HSPA12A: variants seen among roughly 807,000 people sequenced by gnomAD.
HSPA12A encodes the protein heat shock 70 kDa protein 12A.
In HSPA12A, 28 loss-of-function variants were observed where a neutral mutation model predicts 69.2. The observed-to-expected ratio is 0.40, with a 90% CI of 0.30 to 0.55. HSPA12A has a LOEUF of 0.55. HSPA12A is among the 20% of genes least tolerant of loss of function. The pLI is 0.38. For missense variants in HSPA12A, 686 were observed against 900.7 expected (o/e 0.76, Z 3.05); for synonymous variants, 345 against 370.5 (o/e 0.93, Z 0.79).
At chr10:116,740,637 CGTGTGTGTGTGTGTGTGTGT>C (rs60427815) in intron 1 of HSPA12A, among the ~76,000 whole-genome samples, 1 of 137,680 alleles carries the variant, frequency 7.3e-6, no homozygotes, top group Non-Finnish European at 1.5e-5. Flanking sequence ...CTCCCAGCAC[CGTGTGTGTGTGTGTGTGTGT>C]GTGTGTGTGT....
chr10:116,739,150 C>T (rs958155146), intron 1 of HSPA12A, among the ~76,000 whole-genome samples: 4 of 152,158 alleles, frequency 2.6e-5, no homozygotes, highest in Non-Finnish European at 5.9e-5. Flanking sequence ...AGGCACATGC[C>T]AGGAGAGGCT....
chr10:116,756,532 G>C (rs1843854867), intron 2 of HSPA12A, among the ~76,000 whole-genome samples: 1 of 152,166 alleles, frequency 6.6e-6, no homozygotes, highest in African/African-American at 2.4e-5. Flanking sequence ...GCTCGCCTTG[G>C]CACACGGGCA....
At chr10:116,692,824 G>T (rs1849774729) in intron 5 of HSPA12A, among the ~76,000 whole-genome samples, 1 of 152,212 alleles carries the variant, frequency 6.6e-6, no homozygotes, top group Non-Finnish European at 1.5e-5. Context: ...CGATTGTTGA[G>T]AGGATTGATG....
At chr10:116,717,565 T>C (rs1005429995) in intron 1 of HSPA12A, among the ~76,000 whole-genome samples, 1 of 152,202 alleles carries the variant, frequency 6.6e-6, no homozygotes, top group African/African-American at 2.4e-5. Context: ...AATCCCACCA[T>C]GACCACGTCC....
intron 1 of HSPA12A, among the ~76,000 whole-genome samples, chr10:116,707,648 T>C (rs1290977337): frequency 6.6e-6 from 1 of 152,214 alleles, no homozygotes; most frequent in Non-Finnish European, 1.5e-5. Context: ...TAGCAGGACC[T>C]GTAGCCACCT....
chr10:116,775,689 C>T (rs561435943), intron 2 of HSPA12A, among the ~76,000 whole-genome samples: 58 of 152,278 alleles, frequency 3.8e-4, no homozygotes, highest in Admixed American at 8.5e-4. Flanking sequence ...CATTTGCTTG[C>T]TAAAGGAAAC....
At chr10:116,746,152 CA>C (rs1189772341), upstream of HSPA12A, among the ~76,000 whole-genome samples, 1 of 152,178 alleles carries the variant, frequency 6.6e-6, no homozygotes, top group African/African-American at 2.4e-5. Flanking sequence ...CCCACAGCCC[CA>C]CACACGCTTC....
chr10:116,798,722 C>G (rs553064614), intron 2 of HSPA12A, among the ~76,000 whole-genome samples: 3 of 152,088 alleles, frequency 2.0e-5, no homozygotes, highest in Non-Finnish European at 4.4e-5. Flanking sequence ...GAAAACCCAA[C>G]TGAATTAAAA....
intron 2 of HSPA12A, among the ~76,000 whole-genome samples, chr10:116,788,453 G>T (rs1475194921): frequency 6.6e-6 from 1 of 152,170 alleles, no homozygotes; most frequent in East Asian, 1.9e-4. Context: ...ACAATAGCTT[G>T]TTTCTCCCCT....
intron 1 of HSPA12A, among the ~76,000 whole-genome samples, chr10:116,716,720 AAG>A (rs1275014443): frequency 9.2e-5 from 14 of 152,266 alleles, no homozygotes; most frequent in South Asian, 2.1e-4. Flanking sequence ...GAGGAGGATG[AAG>A]AGAGTGGAGG....
At chr10:116,810,694 A>G (rs775433001) in intron 2 of HSPA12A, among the ~76,000 whole-genome samples, 1 of 152,152 alleles carries the variant, frequency 6.6e-6, no homozygotes, top group Non-Finnish European at 1.5e-5. Context: ...CTCCAAAACT[A>G]TTGAATCAGA....
intron 1 of HSPA12A, among the ~76,000 whole-genome samples, chr10:116,712,619 T>C (rs551195212): frequency 2.0e-5 from 3 of 152,196 alleles, no homozygotes; most frequent in African/African-American, 7.2e-5. Context: ...AAATAAAAAA[T>C]AGTCTTGATA....
At position 116,701,069 on chromosome 10, in the gene HSPA12A, C is replaced by T; in HGVS notation, c.315G>A (p.Leu105=). 6.2e-7 allele frequency: 1 copy of T among 1,614,154 alleles called. No homozygotes were observed. The highest frequency in any genetic ancestry group is 8.5e-7 in the Non-Finnish European group (1 of 1,180,038). Residue 105 remains leucine, a synonymous_variant, in exon 4 of 12, where the codon CTG becomes CTA. Coordinates refer to ENST00000369209, the MANE Select transcript of HSPA12A (RefSeq NM_025015.3). The stretch of plus-strand genomic sequence containing the variant: ...AGCTGTGGAACTTCCTCTCGGGAGT[C>T]AGCAAGATGGTGGTTGGAGTCTTCT... ...SNQKTPTTIL[L]TPERKFHSFG... is the part of the protein sequence containing the mutation.
At chr10:116,720,916 G>A (rs1412933360) in intron 1 of HSPA12A, among the ~76,000 whole-genome samples, 1 of 152,210 alleles carries the variant, frequency 6.6e-6, no homozygotes, top group African/African-American at 2.4e-5. Context: ...GAGGCACGAT[G>A]GGAACTGCCC....
chr10:116,718,176 G>T (rs1187553190), intron 1 of HSPA12A, among the ~76,000 whole-genome samples: 1 of 152,218 alleles, frequency 6.6e-6, no homozygotes, highest in Admixed American at 6.5e-5. Flanking sequence ...CCTTGTGACA[G>T]GTCAGTCTTC....
At position 116,735,666 on chromosome 10, in the gene HSPA12A, C is replaced by T. The variant is rs539352154; in HGVS notation, c.40+6764G>A. Reference sequence around the variant, plus strand: ...ACAGGGAAGACCACCAAAACAACCACCCAACAGAGACCTGCCCAGAGAATC... The same window carrying T: ...ACAGGGAAGACCACCAAAACAACCATCCAACAGAGACCTGCCCAGAGAATC... On this transcript the variant is annotated intron_variant, in intron 1 of 11. Transcript: ENST00000369209. 4.6e-5 allele frequency among the ~76,000 whole-genome samples: 7 copies of T among 152,238 alleles called. No homozygotes were observed. The South Asian group carries it at 1.0e-3, about 23-fold the overall frequency.
At chr10:116,717,538 G>A (rs1028132741) in intron 1 of HSPA12A, among the ~76,000 whole-genome samples, 5 of 152,110 alleles carry the variant, frequency 3.3e-5, no homozygotes, top group South Asian at 4.1e-4. Flanking sequence ...GTTCAAAGTC[G>A]GGAAAGCCTG....
chr10:116,845,479 T>C (rs1288367832), intron 1 of HSPA12A, among the ~76,000 whole-genome samples: 3 of 152,166 alleles, frequency 2.0e-5, no homozygotes, highest in East Asian at 3.9e-4. Context: ...TACAGACTCA[T>C]GGAATGTTAA....
chr10:116,816,241 GC>G (rs1437532352), intron 2 of HSPA12A, among the ~76,000 whole-genome samples: 9 of 152,284 alleles, frequency 5.9e-5, no homozygotes, highest in African/African-American at 1.4e-4. Flanking sequence ...CATTCTTTCT[GC>G]CACATTCATA....
Sources: gnomAD v4.1 joint callset for allele counts (sites outside exome capture counted in the v4.1 genomes callset) on GRCh38, gnomAD v4.1.1 for gene constraint, MANE v1.5 for transcripts, NCBI Gene and HGNC (gene_info 2026-07-23, HGNC 2026-07-21) for gene names.